MGAT4A: variants seen among roughly 807,000 people sequenced by gnomAD.
MGAT4A encodes the protein N-acetylglucosaminyltransferase IVa.
MGAT4A carries 33 observed loss-of-function variants against 74.1 expected under a neutral mutation model. That is an observed-to-expected ratio of 0.45 (90% CI 0.34 to 0.60). The LOEUF is 0.60. Ranked by LOEUF, MGAT4A falls within the 20% of genes least tolerant of loss-of-function variation. MGAT4A has a pLI of 0.02. For missense variants in MGAT4A, 479 were observed against 628.3 expected (o/e 0.76, Z 2.54); for synonymous variants, 198 against 210.4 (o/e 0.94, Z 0.51).
chr2:98,669,489 A>AG (rs774610061), intron 4 of MGAT4A, among the ~76,000 whole-genome samples: 11 of 152,216 alleles, frequency 7.2e-5, no homozygotes, highest in Non-Finnish European at 1.5e-4. Flanking sequence ...GCCCAGTCTC[A>AG]GTATGTCTTT....
At chr2:98,663,403 GAA>G in intron 4 of MGAT4A, 2 of 1,510,134 alleles carry the variant, frequency 1.3e-6, no homozygotes, top group Non-Finnish European at 1.8e-6. Flanking sequence ...TGATAAAAAT[GAA>G]AGACATTAAA....
At chr2:98,656,296 A>G in intron 7 of MGAT4A, 56 bp downstream of exon 7, 1 of 1,161,044 alleles carries the variant, frequency 8.6e-7, no homozygotes, top group South Asian at 1.3e-5. Flanking sequence ...TAAAAACTAC[A>G]TGTATTAAAT....
rs2104203158 is a variant in MGAT4A, at chr2:98,622,083, C to CTT, written c.*3481_*3482dup. ...GAATGCATGAGACTAAGATAAAGAA[C>CTT]TTAAGAAATCTTACATCTTAGAATC... On this transcript the variant is annotated 3_prime_UTR_variant, in exon 16 of 16. Transcript: ENST00000393487. The CTT allele has an allele frequency of 1.0e-6, 1 of 985,452 alleles. No homozygotes were observed. Among genetic ancestry groups the CTT allele is most frequent in the East Asian group, 1.1e-4 (1 of 8,818 alleles). 61.0% of individuals were successfully genotyped at this position (985,452 alleles called of 1,614,324 possible).
intron 13 of MGAT4A, among the ~76,000 whole-genome samples, chr2:98,636,118 G>A (rs1369279415): frequency 7.2e-5 from 11 of 151,804 alleles, no homozygotes; most frequent in African/African-American, 2.2e-4. Flanking sequence ...TCAGCCTCCC[G>A]AGTAGCTGGG....
chr2:98,682,457 T>C (rs1002658713), intron 2 of MGAT4A, among the ~76,000 whole-genome samples: 1 of 150,328 alleles, frequency 6.7e-6, no homozygotes, highest in African/African-American at 2.4e-5. Context: ...ACCACCACTT[T>C]GCAACCATCA....
intron 7 of MGAT4A, chr2:98,656,109 A>ATGCC: frequency 2.4e-6 from 1 of 421,682 alleles, no homozygotes; most frequent in Non-Finnish European, 4.2e-6. Flanking sequence ...ACAGAAACAC[A>ATGCC]TAAGAGAAGT....
chr2:98,647,530 G>C (rs1176801417), intron 8 of MGAT4A, among the ~76,000 whole-genome samples: 1 of 152,144 alleles, frequency 6.6e-6, no homozygotes, highest in African/African-American at 2.4e-5. Flanking sequence ...TGTTGGCCAG[G>C]CTGGTCTCGA....
intron 10 of MGAT4A, among the ~76,000 whole-genome samples, chr2:98,643,122 T>C (rs982433664): frequency 6.6e-6 from 1 of 152,220 alleles, no homozygotes; most frequent in Non-Finnish European, 1.5e-5. Context: ...TTAAAAGCTA[T>C]AGTTTTTTTT....
Position 98,621,552 on chromosome 2 carries a change from T to G in MGAT4A, c.*4014A>C. The G allele has an allele frequency of 1.3e-6, 2 of 1,550,734 alleles. No individual in the cohort carries two copies. The highest frequency in any genetic ancestry group is 1.7e-6 in the Non-Finnish European group (2 of 1,146,424). The stretch of plus-strand genomic sequence containing the variant: ...TTGATTAGCCACCCCCAGACAGTCT[T>G]CCTTTTGCTACATAACATGATATAA... On this transcript the variant is annotated 3_prime_UTR_variant, in exon 16 of 16. Coordinates refer to ENST00000393487, the MANE Select transcript of MGAT4A (RefSeq NM_012214.3).
chr2:98,633,318 A>T (rs1231431052), intron 14 of MGAT4A, among the ~76,000 whole-genome samples: 1 of 152,182 alleles, frequency 6.6e-6, no homozygotes, highest in African/African-American at 2.4e-5. Context: ...TCCTGGCTGT[A>T]CCTGCACAGG....
intron 2 of MGAT4A, among the ~76,000 whole-genome samples, chr2:98,701,060 G>A (rs189850081): frequency 3.7e-4 from 57 of 152,218 alleles, no homozygotes; most frequent in African/African-American, 1.3e-3. Flanking sequence ...TATTTCTTAT[G>A]AGAGTGGAAA....
chr2:98,666,749 G>A (rs1285527062), intron 4 of MGAT4A, among the ~76,000 whole-genome samples: 3 of 151,982 alleles, frequency 2.0e-5, no homozygotes, highest in Admixed American at 2.0e-4. Flanking sequence ...CCTAGAAAAT[G>A]CTAACTCATG....
intron 2 of MGAT4A, among the ~76,000 whole-genome samples, chr2:98,717,198 G>A (rs1488474556): frequency 1.3e-5 from 2 of 152,038 alleles, no homozygotes; most frequent in Admixed American, 1.3e-4. Flanking sequence ...TGGCCAACAT[G>A]GTGAAACCCC....
intron 2 of MGAT4A, among the ~76,000 whole-genome samples, chr2:98,715,978 G>GTAACAAGACACATCAACA (rs1333728636): frequency 6.6e-6 from 1 of 152,200 alleles, no homozygotes; most frequent in Non-Finnish European, 1.5e-5. Flanking sequence ...AACATCACCA[G>GTAACAAGACACATCAACA]TAACAAGACA....
chr2:98,666,963 A>G (rs1241094251), intron 4 of MGAT4A, among the ~76,000 whole-genome samples: 2 of 152,092 alleles, frequency 1.3e-5, no homozygotes, highest in African/African-American at 4.8e-5. Context: ...TTGAATTCCT[A>G]CGTGTGGTGG....
At position 98,623,853 on chromosome 2, in the gene MGAT4A, G is replaced by C. The variant is rs2104205961; in HGVS notation, c.*1713C>G. On this transcript the variant is annotated 3_prime_UTR_variant, in exon 16 of 16. Transcript: ENST00000393487. ...AACTAGATGAAGCTCCTCCAGGCTAGAGGCAGCCAGCTGGAACCTTGCCCC... is the reference window on the plus strand; with the variant it reads ...AACTAGATGAAGCTCCTCCAGGCTACAGGCAGCCAGCTGGAACCTTGCCCC... 1 of 985,468 alleles carries C rather than the reference G, an allele frequency of 1.0e-6. No individual in the cohort carries two copies. The highest frequency in any genetic ancestry group is 1.2e-6 in the Non-Finnish European group (1 of 829,970). 61.0% of individuals were successfully genotyped at this position (985,468 alleles called of 1,614,324 possible).
intron 2 of MGAT4A, among the ~76,000 whole-genome samples, chr2:98,678,788 T>G (rs1431956449): frequency 6.6e-6 from 1 of 152,044 alleles, no homozygotes; most frequent in East Asian, 1.9e-4. Context: ...CTTTAAAGCA[T>G]CATACTAAAC....
Position 98,690,985 on chromosome 2 carries a change from G to A in MGAT4A, c.95-12514C>T, listed in dbSNP as rs146591159. ...AAAAAATTAACAGAGCCTCAGGGACGTTTGGAACTGTAACAAAAGATCTGA... is the reference window on the plus strand; with the variant it reads ...AAAAAATTAACAGAGCCTCAGGGACATTTGGAACTGTAACAAAAGATCTGA... On this transcript the variant is annotated intron_variant, in intron 2 of 15. Transcript: ENST00000393487. Among the ~76,000 whole-genome samples, 5 of 152,210 alleles carry A rather than the reference G, an allele frequency of 3.3e-5. 1 individual carries two copies. The highest frequency in any genetic ancestry group is 3.4e-3 in the Middle Eastern group (1 of 294).
chr2:98,685,905 T>A (rs1702122344), intron 2 of MGAT4A, among the ~76,000 whole-genome samples: 2 of 152,162 alleles, frequency 1.3e-5, no homozygotes, highest in Admixed American at 1.3e-4. Context: ...AGCATTGTCC[T>A]CGGGGTAGTT....
Sources: allele counts gnomAD v4.1 joint callset (sites outside exome capture counted in the v4.1 genomes callset), GRCh38; gene constraint gnomAD v4.1.1; transcripts MANE v1.5; gene names NCBI Gene and HGNC (gene_info 2026-07-23, HGNC 2026-07-21).